The following YWHAB variants were observed in gnomAD, a reference collection of about 807,000 sequenced individuals.
YWHAB encodes tyrosine 3-monooxygenase/tryptophan 5-monooxygenase activation protein beta.
YWHAB carries 2 observed loss-of-function variants against 28.5 expected under a neutral mutation model. That is an observed-to-expected ratio of 0.07 (90% CI 0.03 to 0.22). The LOEUF (loss-of-function observed/expected upper bound fraction) is 0.22, where lower values mean the gene tolerates loss of function less well. YWHAB is among the 10% of genes least tolerant of loss of function. The pLI, the probability that YWHAB is intolerant of heterozygous loss-of-function variation, is 1.00. For missense variants in YWHAB, 148 were observed against 297.1 expected (o/e 0.50, Z 3.69); for synonymous variants, 103 against 104.7 (o/e 0.98, Z 0.10).
At chr20:44,901,979 C>A in intron 2 of YWHAB, 146 bp downstream of exon 2, 1 of 877,810 alleles carries the variant, frequency 1.1e-6, no homozygotes, top group Non-Finnish European at 1.6e-6. Flanking sequence ...AATTTTTAAG[C>A]ATATGATATA....
rs1601100602 is a variant in YWHAB at position 44,907,191 on chromosome 20, T to C, written c.*753T>C. ...CAATTTGCAACTTGTGCTTCAATAG[T>C]GGAATCTACTTTCATTGTTAACACT... On this transcript the variant is annotated 3_prime_UTR_variant, in exon 6 of 6. Coordinates refer to ENST00000353703, the MANE Select transcript of YWHAB (RefSeq NM_139323.4). 6.6e-6 allele frequency: 1 copy of C among 152,356 alleles called. No homozygotes were observed. Among genetic ancestry groups the C allele is most frequent in the East Asian group, 1.9e-4 (1 of 5,192 alleles). The allele number at this position is 152,356 out of a possible 1,614,324, so 9.4% of individuals were successfully genotyped here. A position where few individuals can be genotyped will look rare whatever the true frequency, so the allele number is the denominator to read the frequency against.
At chr20:44,888,279 CAATT>C (rs1375603956) in intron 1 of YWHAB, among the ~76,000 whole-genome samples, 2 of 152,210 alleles carry the variant, frequency 1.3e-5, no homozygotes, top group East Asian at 3.8e-4. Context: ...TGGTATCAGA[CAATT>C]AGTCTATAAT....
chr20:44,899,460 A>C (rs1054243973), intron 1 of YWHAB, among the ~76,000 whole-genome samples: 1 of 152,250 alleles, frequency 6.6e-6, no homozygotes, highest in African/African-American at 2.4e-5. Context: ...AGCCTGGGTG[A>C]CAGAGTGAGA....
At chr20:44,886,556 T>C (rs943564682) in intron 1 of YWHAB, 1 of 152,170 alleles carries the variant, frequency 6.6e-6, no homozygotes, top group African/African-American at 2.4e-5. Context: ...GGAAAAAATA[T>C]CAGGGGGTGA....
At chr20:44,890,735 T>G (rs1271467791) in intron 1 of YWHAB, among the ~76,000 whole-genome samples, 1 of 151,894 alleles carries the variant, frequency 6.6e-6, no homozygotes, top group Non-Finnish European at 1.5e-5. Flanking sequence ...GGTCTTGAAC[T>G]CCTGACCTTG....
At chr20:44,903,844 AAAC>A (rs1195905211) in intron 2 of YWHAB, 146 bp from the exon 3 acceptor site, 3 of 880,032 alleles carry the variant, frequency 3.4e-6, no homozygotes, top group Non-Finnish European at 5.0e-6. Context: ...GACCTGGGCT[AAAC>A]AACATTTAGT....
intron 1 of YWHAB, among the ~76,000 whole-genome samples, chr20:44,894,731 C>T (rs918108242): frequency 1.3e-5 from 2 of 152,166 alleles, no homozygotes; most frequent in African/African-American, 4.8e-5. Flanking sequence ...TAATTCCCTG[C>T]GCCTCATCTT....
At chr20:44,889,873 C>T (rs756989787) in intron 1 of YWHAB, among the ~76,000 whole-genome samples, 9 of 152,076 alleles carry the variant, frequency 5.9e-5, no homozygotes, top group Non-Finnish European at 1.0e-4. Context: ...CATAATTGAT[C>T]TTTAGGAGAT....
chr20:44,900,738 G>C (rs1285617278), intron 1 of YWHAB, among the ~76,000 whole-genome samples: 4 of 152,142 alleles, frequency 2.6e-5, no homozygotes, highest in South Asian at 4.1e-4. Context: ...AAACAAACCA[G>C]ACAATTACTG....
In YWHAB at chr20:44,890,788, C is replaced by T. The variant is rs113167125; in HGVS notation, c.-4+4902C>T. Among the ~76,000 whole-genome samples the T allele has an allele frequency of 5.2e-3, 790 of 152,032 alleles. 12 individuals carry two copies. Among genetic ancestry groups the T allele is most frequent in the African/African-American group, 0.018 (729 of 41,462 alleles). The stretch of plus-strand genomic sequence containing the variant: ...CCTCCCAAAGTGCTGGGATTACAGG[C>T]GTGAGCCACCACGCCTGGCTGGATT... On this transcript the variant is annotated intron_variant, in intron 1 of 5. Coordinates refer to ENST00000353703, the MANE Select transcript of YWHAB (RefSeq NM_139323.4).
At chr20:44,905,183 ATTAAC>A in intron 4 of YWHAB, 52 bp downstream of exon 4, 6 of 1,526,370 alleles carry the variant, frequency 3.9e-6, no homozygotes, top group Non-Finnish European at 4.4e-6. Flanking sequence ...TGCTTGTGTT[ATTAAC>A]TTCATTTTAT....
In YWHAB at chr20:44,908,427, G is replaced by C. The variant is rs1057181959; in HGVS notation, c.*1989G>C. 4 of 152,600 alleles carry C rather than the reference G, an allele frequency of 2.6e-5. No homozygotes were observed. The highest frequency in any genetic ancestry group is 4.4e-5 in the Non-Finnish European group (3 of 68,030). 9.5% of individuals were successfully genotyped at this position (152,600 alleles called of 1,614,324 possible). On this transcript the variant is annotated 3_prime_UTR_variant, in exon 6 of 6. Transcript: ENST00000353703. ...CCCCGGTTATTGATGTACTAGATTTGTGTATGTCTTTTAAACAGTTCTAGT... is the reference window on the plus strand; with the variant it reads ...CCCCGGTTATTGATGTACTAGATTTCTGTATGTCTTTTAAACAGTTCTAGT...
intron 4 of YWHAB, chr20:44,905,535 A>G (rs1165893044): frequency 6.0e-6 from 1 of 166,910 alleles, no homozygotes; most frequent in African/African-American, 2.4e-5. Flanking sequence ...CATATTTTTT[A>G]TAGTCCCTCA....
intron 2 of YWHAB, chr20:44,902,513 AG>A (rs979186293): frequency 6.6e-6 from 1 of 152,234 alleles, no homozygotes; most frequent in African/African-American, 2.4e-5. Flanking sequence ...AGGTGAAATC[AG>A]GTAAAAATGA....
chr20:44,901,117 A>G (rs959740515), intron 1 of YWHAB, among the ~76,000 whole-genome samples: 3 of 152,206 alleles, frequency 2.0e-5, no homozygotes, highest in African/African-American at 7.2e-5. Context: ...AGCAGTCTGT[A>G]TGTGCCAGGC....
At chr20:44,895,810 C>G (rs998239333) in intron 1 of YWHAB, among the ~76,000 whole-genome samples, 3 of 152,152 alleles carry the variant, frequency 2.0e-5, no homozygotes, top group Admixed American at 1.3e-4. Context: ...CACAGAAATT[C>G]AAGAAACTAG....
intron 1 of YWHAB, among the ~76,000 whole-genome samples, chr20:44,889,318 T>C (rs1252752095): frequency 6.6e-6 from 1 of 152,194 alleles, no homozygotes; most frequent in African/African-American, 2.4e-5. Flanking sequence ...TCTCATGATA[T>C]GTGTGCTGAA....
intron 1 of YWHAB, among the ~76,000 whole-genome samples, chr20:44,895,668 A>AT (rs917295194): frequency 2.0e-5 from 3 of 152,076 alleles, no homozygotes; most frequent in African/African-American, 7.2e-5. Context: ...AGGTCTTACT[A>AT]TGTTGCCCAG....
At chr20:44,896,631 G>A (rs1028943005) in intron 1 of YWHAB, among the ~76,000 whole-genome samples, 1 of 152,220 alleles carries the variant, frequency 6.6e-6, no homozygotes, top group African/African-American at 2.4e-5. Flanking sequence ...AGAGTTATAG[G>A]AAAATGGGTC....
Sources: allele counts gnomAD v4.1 joint callset (sites outside exome capture counted in the v4.1 genomes callset), GRCh38; gene constraint gnomAD v4.1.1; transcripts MANE v1.5; gene names NCBI Gene and HGNC (gene_info 2026-07-23, HGNC 2026-07-21).